The following DIAPH2 variants were observed in gnomAD, a reference collection of about 807,000 sequenced individuals.
The protein encoded by DIAPH2 is diaphanous related formin 2, also known as protein diaphanous homolog 2.
In DIAPH2, 35 loss-of-function variants were observed where a neutral mutation model predicts 92.7. The ratio of observed to expected loss-of-function variants is 0.38; its 90% confidence interval spans 0.29 to 0.50. The LOEUF is 0.50. Ranked by LOEUF, DIAPH2 falls within the 20% of genes least tolerant of loss-of-function variation. DIAPH2 has a pLI of 0.94. For synonymous variants in DIAPH2, 301 were observed against 280.4 expected (o/e 1.07, Z -0.73); for missense variants, 701 against 819.5 (o/e 0.86, Z 1.77).
chrX:96,897,394 A>C (rs2065352494), intron 5 of DIAPH2, among the ~76,000 whole-genome samples: 1 of 110,512 alleles, frequency 9.0e-6, no homozygotes, highest in Non-Finnish European at 1.9e-5. Context: ...ATGAATTTAT[A>C]GATAGCTTTT....
At chrX:96,861,855 A>G (rs1241398305) in intron 4 of DIAPH2, among the ~76,000 whole-genome samples, 1 of 111,282 alleles carries the variant, frequency 9.0e-6, no homozygotes, top group Non-Finnish European at 1.9e-5. Context: ...GCCATACCGA[A>G]CTTCTTCCAT....
intron 26 of DIAPH2, chrX:97,449,617 T>C (rs748201987): frequency 1.4e-6 from 1 of 710,757 alleles, no homozygotes; most frequent in East Asian, 1.6e-4. Context: ...GTATTTTCAA[T>C]TGGTTACCCG....
intron 26 of DIAPH2, among the ~76,000 whole-genome samples, chrX:97,591,845 C>T (rs769887625): frequency 2.7e-5 from 3 of 112,071 alleles, no homozygotes; most frequent in Non-Finnish European, 5.6e-5. Flanking sequence ...AGTAAAGAAG[C>T]AAACATAATG....
At chrX:97,173,435 A>G (rs1453339940) in intron 22 of DIAPH2, among the ~76,000 whole-genome samples, 1 of 111,953 alleles carries the variant, frequency 8.9e-6, no homozygotes, top group Admixed American at 9.5e-5. Context: ...ATTATGTTTA[A>G]TTTTGATTTG....
intron 26 of DIAPH2, among the ~76,000 whole-genome samples, chrX:97,470,960 G>A (rs750275130): frequency 2.7e-5 from 3 of 111,633 alleles, no homozygotes; most frequent in Admixed American, 1.9e-4. Flanking sequence ...AGCATTCCAA[G>A]GGTGTGAGAC....
At chrX:96,762,371 A>C (rs1412449659) in intron 4 of DIAPH2, among the ~76,000 whole-genome samples, 1 of 111,565 alleles carries the variant, frequency 9.0e-6, no homozygotes, top group Non-Finnish European at 1.9e-5. Flanking sequence ...GTGCATGTTT[A>C]GATGTAAAAT....
At chrX:97,028,364 T>A (rs764272620) in intron 17 of DIAPH2, among the ~76,000 whole-genome samples, 1 of 111,229 alleles carries the variant, frequency 9.0e-6, no homozygotes, top group East Asian at 2.8e-4. Flanking sequence ...TCATTCTTCA[T>A]CTTTATGTTT....
intron 22 of DIAPH2, among the ~76,000 whole-genome samples, chrX:97,235,343 T>C (rs919265432): frequency 4.5e-5 from 5 of 111,655 alleles, no homozygotes; most frequent in African/African-American, 1.6e-4. Context: ...CAGTGGCTCA[T>C]GCCTGTAATC....
intron 17 of DIAPH2, among the ~76,000 whole-genome samples, chrX:97,004,706 C>G (rs971542378): frequency 3.6e-5 from 4 of 111,914 alleles, no homozygotes; most frequent in African/African-American, 1.3e-4. Flanking sequence ...TTGATTGAGT[C>G]ATTAGGTTTT....
intron 26 of DIAPH2, chrX:97,442,787 C>T (rs1048781422): frequency 8.9e-6 from 1 of 111,947 alleles, no homozygotes; most frequent in Non-Finnish European, 1.9e-5. Context: ...TTTCTTGTTG[C>T]CCATTAAAAT....
At chrX:97,305,547 C>T (rs981482122) in intron 23 of DIAPH2, among the ~76,000 whole-genome samples, 1 of 108,810 alleles carries the variant, frequency 9.2e-6, no homozygotes, top group African/African-American at 3.4e-5. Flanking sequence ...TGGCTAGGCG[C>T]GGTGGCTCAT....
chrX:97,264,070 T>C (rs891616391), intron 23 of DIAPH2, among the ~76,000 whole-genome samples: 2 of 106,713 alleles, frequency 1.9e-5, no homozygotes, highest in African/African-American at 6.8e-5. Flanking sequence ...TACAGGCACA[T>C]TGCTACCACG....
At chrX:97,432,760 T>TA (rs2070140904) in intron 26 of DIAPH2, among the ~76,000 whole-genome samples, 1 of 111,358 alleles carries the variant, frequency 9.0e-6, no homozygotes, top group African/African-American at 3.3e-5. Context: ...GTGCTGGGAT[T>TA]ACAGGCGTGA....
At chrX:96,962,382 C>CATATATATACACAT (rs1569436587) in intron 16 of DIAPH2, among the ~76,000 whole-genome samples, 11 of 57,168 alleles carry the variant, frequency 1.9e-4, no homozygotes, top group Admixed American at 2.2e-4. Flanking sequence ...TATATATACA[C>CATATATATACACAT]ATATATATAC....
intron 26 of DIAPH2, among the ~76,000 whole-genome samples, chrX:97,454,192 C>T (rs1302329720): frequency 3.6e-5 from 4 of 110,040 alleles, no homozygotes; most frequent in East Asian, 2.8e-4. Context: ...TTTTTTTCAC[C>T]GTCCAGCAAA....
chrX:97,525,877 T>G (rs1382552872), intron 26 of DIAPH2, among the ~76,000 whole-genome samples: 1 of 112,348 alleles, frequency 8.9e-6, no homozygotes, highest in South Asian at 3.7e-4. Flanking sequence ...AAACTGCTCA[T>G]GCTCTGAACT....
chrX:97,548,234 C>A (rs1215330005), intron 26 of DIAPH2, among the ~76,000 whole-genome samples: 1 of 112,049 alleles, frequency 8.9e-6, no homozygotes, highest in Non-Finnish European at 1.9e-5. Flanking sequence ...CTCTTGTGCA[C>A]CTATGCACAC....
chrX:97,090,029 G>A (rs1429367935), intron 19 of DIAPH2, among the ~76,000 whole-genome samples: 4 of 112,330 alleles, frequency 3.6e-5, no homozygotes, highest in East Asian at 2.8e-4. Flanking sequence ...GGCCCAGCCC[G>A]AAAATAATCA....
At chrX:97,135,629 G>C (rs1307747441) in intron 21 of DIAPH2, among the ~76,000 whole-genome samples, 1 of 111,516 alleles carries the variant, frequency 9.0e-6, no homozygotes, top group Non-Finnish European at 1.9e-5. Flanking sequence ...AATCCAGTAA[G>C]TATATCTTAA....
Sources: allele counts gnomAD v4.1 joint callset (sites outside exome capture counted in the v4.1 genomes callset), GRCh38; gene constraint gnomAD v4.1.1; transcripts MANE v1.5; gene names NCBI Gene and HGNC (gene_info 2026-07-23, HGNC 2026-07-21).